Variants in SV2C observed in about 807,000 individuals in gnomAD.
SV2C encodes the protein synaptic vesicle glycoprotein 2C.
In SV2C, 49 loss-of-function variants were observed where a neutral mutation model predicts 79.7. That is an observed-to-expected ratio of 0.61 (90% CI 0.49 to 0.78). The LOEUF (loss-of-function observed/expected upper bound fraction) is 0.78, where lower values mean the gene tolerates loss of function less well. SV2C is among the 30% of genes least tolerant of loss of function. SV2C has a pLI of 0.00. For synonymous variants in SV2C, 334 were observed against 333.2 expected, an observed-to-expected ratio of 1.00 and a Z score of -0.03; for missense variants, 833 against 912.9, an observed-to-expected ratio of 0.91 and a Z score of 1.13.
the SV2C span, among the ~76,000 whole-genome samples, chr5:76,037,767 G>T: frequency 6.6e-6 from 1 of 152,226 alleles, no homozygotes; most frequent in Non-Finnish European, 1.5e-5. Flanking sequence ...GCTGTGGTGG[G>T]CTCCACCCTT....
intron 2 of SV2C, among the ~76,000 whole-genome samples, chr5:76,181,851 C>T (rs544326850): frequency 6.6e-6 from 1 of 152,328 alleles, no homozygotes; most frequent in South Asian, 2.1e-4. Context: ...AGTGACTCCT[C>T]ATTGTCTGTA....
rs543907979 is a variant in SV2C, at chr5:76,108,696, T to C, written c.-101-22954T>C. 2.0e-3 allele frequency among the ~76,000 whole-genome samples: 299 copies of C among 152,350 alleles called. 1 individual carries two copies. Among genetic ancestry groups the C allele is most frequent in the African/African-American group, 6.8e-3 (284 of 41,588 alleles). On this transcript the variant is annotated intron_variant, in intron 1 of 12. Coordinates refer to ENST00000502798, the MANE Select transcript of SV2C (RefSeq NM_014979.4). ...CTTTTAGGATATAAAAGATCATGTTTTGGTTTCAAGCTAAAGCCTTAAATT... is the reference window on the plus strand; with the variant it reads ...CTTTTAGGATATAAAAGATCATGTTCTGGTTTCAAGCTAAAGCCTTAAATT...
chr5:76,064,615 C>T, the SV2C span, among the ~76,000 whole-genome samples: 1 of 152,078 alleles, frequency 6.6e-6, no homozygotes, highest in African/African-American at 2.4e-5. Flanking sequence ...AGAGATGGTT[C>T]CTGGCCACTG....
chr5:76,070,921 G>C, the SV2C span, among the ~76,000 whole-genome samples: 1 of 152,156 alleles, frequency 6.6e-6, no homozygotes, highest in Non-Finnish European at 1.5e-5. Flanking sequence ...GGAAGTCTTC[G>C]GAGATGAGTT....
chr5:75,929,707 T>C, the SV2C span, among the ~76,000 whole-genome samples: 2 of 152,186 alleles, frequency 1.3e-5, no homozygotes, highest in Admixed American at 1.3e-4. Context: ...CAATAATTTA[T>C]TGTTTGCTGA....
rs1206304858 is a variant in SV2C at position 76,121,650 on chromosome 5, C to G, written c.-101-10000C>G. 9.3e-5 allele frequency among the ~76,000 whole-genome samples: 14 copies of G among 151,116 alleles called. No homozygotes were observed. The South Asian group carries it at 1.9e-3, about 20-fold the overall frequency. ...AATCCTTTCCCCATTGCTTGTTTTT[C>G]TCAGGTTTGTCAAAGATCAGATAGT... On this transcript the variant is annotated intron_variant, in intron 1 of 12. Transcript: ENST00000502798.
chr5:75,939,555 G>C, the SV2C span, among the ~76,000 whole-genome samples: 3 of 151,992 alleles, frequency 2.0e-5, no homozygotes, highest in Non-Finnish European at 4.4e-5. Context: ...GACACAATTC[G>C]GTCCAAAGCA....
the SV2C span, among the ~76,000 whole-genome samples, chr5:75,990,569 A>G: frequency 6.6e-6 from 1 of 151,964 alleles, no homozygotes; most frequent in African/African-American, 2.4e-5. Context: ...TGCAGTTTAT[A>G]CCTGGGGTTT....
the SV2C span, among the ~76,000 whole-genome samples, chr5:76,026,201 A>AACACACACACACACACACAC: frequency 2.9e-4 from 40 of 140,138 alleles, 1 homozygote; most frequent in Admixed American, 8.0e-4. Context: ...CAAATTTACA[A>AACACACACACACACACACAC]ACACACACAC....
the SV2C span, among the ~76,000 whole-genome samples, chr5:75,982,232 T>G: frequency 1.8e-5 from 2 of 109,704 alleles, no homozygotes; most frequent in Admixed American, 8.4e-5. Flanking sequence ...ATTAAAAAAA[T>G]AAAAAGAAAA....
chr5:76,018,769 C>T, the SV2C span, among the ~76,000 whole-genome samples: 1,392 of 152,250 alleles, frequency 9.1e-3, 26 homozygotes, highest in African/African-American at 0.029. Flanking sequence ...AAGAACTCCA[C>T]GTATTTGTTC....
the SV2C span, among the ~76,000 whole-genome samples, chr5:76,033,503 G>C: frequency 1.3e-5 from 2 of 152,148 alleles, no homozygotes; most frequent in African/African-American, 4.8e-5. Flanking sequence ...ATTAAAGAGG[G>C]AATCCTTTCC....
At chr5:76,110,316 C>T (rs1398743760) in intron 1 of SV2C, among the ~76,000 whole-genome samples, 1 of 152,094 alleles carries the variant, frequency 6.6e-6, no homozygotes, top group Non-Finnish European at 1.5e-5. Flanking sequence ...ATTTGTTGTG[C>T]TCGTTGGGAA....
chr5:75,921,364 G>T, the SV2C span: 5 of 963,666 alleles, frequency 5.2e-6, no homozygotes, highest in South Asian at 2.6e-5. Context: ...TGTCCTTTGG[G>T]GGGTGCTGGT....
chr5:76,241,182 C>CTTT (rs60557642), intron 4 of SV2C, among the ~76,000 whole-genome samples: 3 of 137,066 alleles, frequency 2.2e-5, no homozygotes, highest in African/African-American at 5.4e-5. Flanking sequence ...GTCTCAATCT[C>CTTT]TTTTTTTTTT....
chr5:76,284,489 G>A (rs894794173), intron 4 of SV2C, among the ~76,000 whole-genome samples: 1 of 152,098 alleles, frequency 6.6e-6, no homozygotes, highest in Non-Finnish European at 1.5e-5. Context: ...TGAAGATGTG[G>A]GAACCATTCA....
At chr5:75,941,810 G>A in the SV2C span, among the ~76,000 whole-genome samples, 1 of 152,184 alleles carries the variant, frequency 6.6e-6, no homozygotes, top group East Asian at 1.9e-4. Flanking sequence ...TTCTACCTTG[G>A]AGCTGGACAT....
the SV2C span, among the ~76,000 whole-genome samples, chr5:76,037,138 A>G: frequency 3.3e-5 from 5 of 151,876 alleles, no homozygotes; most frequent in African/African-American, 1.2e-4. Context: ...TTCTAGTTAT[A>G]CCTTCTTCTA....
At chr5:76,183,413 C>A (rs1743815232) in intron 2 of SV2C, among the ~76,000 whole-genome samples, 1 of 152,002 alleles carries the variant, frequency 6.6e-6, no homozygotes, top group Non-Finnish European at 1.5e-5. Flanking sequence ...ACCTCCAGCA[C>A]TGGGGTTTGT....
Sources: allele counts gnomAD v4.1 joint callset (sites outside exome capture counted in the v4.1 genomes callset), GRCh38; gene constraint gnomAD v4.1.1; transcripts MANE v1.5; gene names NCBI Gene and HGNC (gene_info 2026-07-23, HGNC 2026-07-21).